The following PRKCB variants were observed in gnomAD, a reference collection of about 807,000 sequenced individuals.
PRKCB encodes protein kinase C beta type.
A neutral mutation model predicts 81.5 loss-of-function variants in PRKCB; 13 were observed. The ratio of observed to expected loss-of-function variants is 0.16; its 90% confidence interval spans 0.10 to 0.25. The LOEUF (loss-of-function observed/expected upper bound fraction) is 0.25, where lower values mean the gene tolerates loss of function less well. Among genes scored for constraint, PRKCB ranks in the 10% least tolerant of loss-of-function variants. The pLI is 1.00. For missense variants in PRKCB, 509 were observed against 875.7 expected (o/e 0.58, Z 5.29); for synonymous variants, 335 against 321.4 (o/e 1.04, Z -0.45).
chr16:24,137,816 A>G (rs16973277), intron 9 of PRKCB, among the ~76,000 whole-genome samples: 13,405 of 152,266 alleles, frequency 0.088, 800 homozygotes, highest in East Asian at 0.23. Context: ...TCCAACACCC[A>G]TGATAAATAT....
rs35360303 is a variant in PRKCB, at chr16:24,045,794, C to T, written c.529+10247C>T. On this transcript the variant is annotated intron_variant, in intron 5 of 16. Coordinates refer to ENST00000643927, the MANE Select transcript of PRKCB (RefSeq NM_002738.7). ...TCCCCTGGGGATGCACTGTAACATT[C>T]GAGCAGCCCTGCTGCAGAGGATCGC... is the stretch of plus-strand genomic sequence containing the variant. Among the ~76,000 whole-genome samples the T allele has an allele frequency of 3.6e-3, 555 of 152,366 alleles. 2 individuals carry two copies. Among genetic ancestry groups the T allele is most frequent in the Non-Finnish European group, 5.5e-3 (376 of 68,042 alleles).
rs373778148 is a variant in PRKCB, at chr16:23,891,740, C to A, written c.205+54334C>A. ...ATCCAATGCTCAGTTTTCAAGGGGT[C>A]ATGTTGCTCTGAAAGGCCTGGTGAG... On this transcript the variant is annotated intron_variant, in intron 2 of 16. Coordinates refer to ENST00000643927, the MANE Select transcript of PRKCB (RefSeq NM_002738.7). Among the ~76,000 whole-genome samples the A allele has an allele frequency of 3.9e-5, 6 of 152,258 alleles. No homozygotes were observed. The South Asian group carries it at 6.2e-4, about 16-fold the overall frequency.
intron 7 of PRKCB, among the ~76,000 whole-genome samples, chr16:24,109,070 G>C (rs1181575442): frequency 5.4e-5 from 8 of 147,424 alleles, no homozygotes; most frequent in Non-Finnish European, 1.1e-4. Flanking sequence ...GCGGCTGGCC[G>C]GGCAGAGGGG....
chr16:23,922,447 A>AT (rs770950229), intron 2 of PRKCB, among the ~76,000 whole-genome samples: 4 of 152,262 alleles, frequency 2.6e-5, no homozygotes, highest in African/African-American at 2.4e-5. Flanking sequence ...GACCAAAAAA[A>AT]GATGTCTCTA....
intron 16 of PRKCB, among the ~76,000 whole-genome samples, chr16:24,209,374 C>T (rs1968101079): frequency 6.6e-6 from 1 of 152,138 alleles, no homozygotes; most frequent in Admixed American, 6.5e-5. Context: ...CTCCCCGATG[C>T]CACGGCCACC....
At chr16:24,108,911 A>G (rs1329800951) in intron 7 of PRKCB, among the ~76,000 whole-genome samples, 1 of 149,454 alleles carries the variant, frequency 6.7e-6, no homozygotes, top group Non-Finnish European at 1.5e-5. Context: ...GGGGCTCCTC[A>G]CTTCCCAGTA....
At chr16:23,869,059 A>G in intron 2 of PRKCB, 4 of 450,054 alleles carry the variant, frequency 8.9e-6, no homozygotes, top group South Asian at 4.7e-5. Context: ...CTCCCACCTC[A>G]TACAAGGATT....
intron 9 of PRKCB, among the ~76,000 whole-genome samples, chr16:24,129,199 T>TAGTATGCAG (rs1343305919): frequency 6.6e-6 from 1 of 152,168 alleles, no homozygotes; most frequent in Non-Finnish European, 1.5e-5. Context: ...CTTTAAAAAA[T>TAGTATGCAG]AGTATGCAGG....
intron 1 of PRKCB, among the ~76,000 whole-genome samples, chr16:23,836,800 A>T (rs1962169856): frequency 6.9e-6 from 1 of 144,734 alleles, no homozygotes; most frequent in East Asian, 2.1e-4. Context: ...GTCCTTCTCT[A>T]TCTCCCTGCG....
At chr16:23,927,979 G>A (rs1214346577) in intron 2 of PRKCB, among the ~76,000 whole-genome samples, 1 of 151,972 alleles carries the variant, frequency 6.6e-6, no homozygotes, top group African/African-American at 2.4e-5. Context: ...TTGCAGTCAT[G>A]GAGTGTGCTG....
chr16:24,175,735 G>T (rs1201419777), intron 12 of PRKCB, among the ~76,000 whole-genome samples: 1 of 151,866 alleles, frequency 6.6e-6, no homozygotes, highest in Non-Finnish European at 1.5e-5. Context: ...GCTTTGGGAG[G>T]CTGAGGCAGG....
intron 9 of PRKCB, among the ~76,000 whole-genome samples, chr16:24,151,168 C>A (rs1358842140): frequency 6.6e-6 from 1 of 152,142 alleles, no homozygotes; most frequent in Non-Finnish European, 1.5e-5. Flanking sequence ...CTTGAACAAG[C>A]AAATCTCATT....
rs753351053 is a variant in PRKCB, at chr16:24,068,851, TC to T, written c.530-23938del. ...GTGAGGAATCCTCATTTCTTTCAGA[TC>T]CTGGTAGGGGACCCTGAGAACTTTG... is the stretch of plus-strand genomic sequence containing the variant. On this transcript the variant is annotated intron_variant, in intron 5 of 16. Coordinates refer to ENST00000643927, the MANE Select transcript of PRKCB (RefSeq NM_002738.7). Among the ~76,000 whole-genome samples, 16 of 152,340 alleles carry T rather than the reference TC, an allele frequency of 1.1e-4. 1 individual carries two copies. Among genetic ancestry groups the T allele is most frequent in the Non-Finnish European group, 2.1e-4 (14 of 68,042 alleles).
At chr16:23,939,558 G>C (rs1964110416) in intron 2 of PRKCB, among the ~76,000 whole-genome samples, 1 of 152,120 alleles carries the variant, frequency 6.6e-6, no homozygotes, top group Admixed American at 6.6e-5. Flanking sequence ...ACCCACACAA[G>C]TATGCTCAAT....
intron 2 of PRKCB, among the ~76,000 whole-genome samples, chr16:23,855,692 C>T (rs1372203809): frequency 1.3e-5 from 2 of 152,134 alleles, no homozygotes; most frequent in Non-Finnish European, 1.5e-5. Flanking sequence ...TAGAGGGAAG[C>T]AGGGAAGAGG....
At chr16:23,906,805 A>T (rs987690382) in intron 2 of PRKCB, among the ~76,000 whole-genome samples, 2 of 152,158 alleles carry the variant, frequency 1.3e-5, no homozygotes, top group Non-Finnish European at 2.9e-5. Flanking sequence ...TGCCTTTATC[A>T]TATATTAAAT....
chr16:24,130,736 C>A (rs1368403281), intron 9 of PRKCB, among the ~76,000 whole-genome samples: 2 of 152,162 alleles, frequency 1.3e-5, no homozygotes, highest in Non-Finnish European at 2.9e-5. Flanking sequence ...TTTTTCTCTG[C>A]AGTCAGAGGG....
chr16:23,924,471 A>G (rs1413312169), intron 2 of PRKCB, among the ~76,000 whole-genome samples: 2 of 151,944 alleles, frequency 1.3e-5, no homozygotes, highest in African/African-American at 4.8e-5. Context: ...GAATCAGAAT[A>G]TTTGATCTGG....
intron 16 of PRKCB, among the ~76,000 whole-genome samples, chr16:24,193,158 C>G (rs1479448837): frequency 1.3e-5 from 2 of 151,796 alleles, no homozygotes; most frequent in African/African-American, 4.8e-5. Flanking sequence ...TAAATGGGGT[C>G]TTGGCCGGGT....
Sources: gnomAD v4.1 joint callset for allele counts (sites outside exome capture counted in the v4.1 genomes callset) on GRCh38, gnomAD v4.1.1 for gene constraint, MANE v1.5 for transcripts, NCBI Gene and HGNC (gene_info 2026-07-23, HGNC 2026-07-21) for gene names.